The following IL17RA variants were observed in gnomAD, a reference collection of about 807,000 sequenced individuals.
The protein encoded by IL17RA is interleukin-17 receptor A.
IL17RA carries 34 observed loss-of-function variants against 50.4 expected under a neutral mutation model. The ratio of observed to expected loss-of-function variants is 0.67; its 90% CI spans 0.51 to 0.90. IL17RA has a LOEUF of 0.90. Among genes scored for constraint, IL17RA ranks in the 40% least tolerant of loss-of-function variants. The pLI is 0.00. For missense variants in IL17RA, 1,276 were observed against 1,169.8 expected (o/e 1.09, Z -1.32); for synonymous variants, 585 against 510.4 (o/e 1.15, Z -1.97).
At chr22:17,089,075 C>T (rs1330561857) in intron 1 of IL17RA, among the ~76,000 whole-genome samples, 5 of 152,000 alleles carry the variant, frequency 3.3e-5, no homozygotes, top group Non-Finnish European at 5.9e-5. Context: ...GGATTACAAG[C>T]GTGAGCCAAT....
chr22:17,089,994 T>TG (rs2061342428), intron 1 of IL17RA, among the ~76,000 whole-genome samples: 1 of 151,570 alleles, frequency 6.6e-6, no homozygotes, highest in Non-Finnish European at 1.5e-5. Flanking sequence ...TTTTTTTTTT[T>TG]GCTTTATTTA....
chr22:17,092,594 C>T (rs1050763872), intron 1 of IL17RA, among the ~76,000 whole-genome samples: 46 of 151,998 alleles, frequency 3.0e-4, no homozygotes, highest in Admixed American at 1.6e-3. Context: ...AACCACCCCC[C>T]GCCAATATGT....
At chr22:17,085,307 G>T in intron 1 of IL17RA, 78 bp downstream of exon 1, 1 of 1,521,300 alleles carries the variant, frequency 6.6e-7, no homozygotes, top group Non-Finnish European at 8.8e-7. Context: ...CGGACGGTCG[G>T]GACTACGCGC....
chr22:17,107,575 C>A (rs1330221159), intron 11 of IL17RA, 152 bp from the exon 12 acceptor site: 2 of 714,508 alleles, frequency 2.8e-6, no homozygotes, highest in South Asian at 1.5e-5. Context: ...AGGACTCATG[C>A]CTGTGCGACC....
intron 1 of IL17RA, among the ~76,000 whole-genome samples, chr22:17,094,675 C>CTATATATATATATG (rs1568917420): frequency 6.3e-4 from 31 of 49,332 alleles, no homozygotes; most frequent in Non-Finnish European, 1.0e-3. Context: ...CTCTCTCTCT[C>CTATATATATATATG]TCTCTCTCTC....
Position 17,113,917 on chromosome 22 carries a change from GC to G in IL17RA, c.*4099del, listed in dbSNP as rs1207316606. 1 of 152,276 alleles carries G rather than the reference GC, an allele frequency of 6.6e-6. No homozygotes were observed. Among genetic ancestry groups the G allele is most frequent in the Non-Finnish European group, 1.5e-5 (1 of 68,074 alleles). 9.4% of individuals were successfully genotyped at this position (152,276 alleles called of 1,614,324 possible). On this transcript the variant is annotated 3_prime_UTR_variant, in exon 13 of 13. Coordinates refer to ENST00000319363, the MANE Select transcript of IL17RA (RefSeq NM_014339.7). Reference sequence around the variant, plus strand: ...CCTGCAGTATCCCCGAGTGGCACCAGCCTGCTTCTGGGGCAGAGCAGTTTGT... The same window carrying G: ...CCTGCAGTATCCCCGAGTGGCACCAGCTGCTTCTGGGGCAGAGCAGTTTGT...
At chr22:17,098,958 C>T in intron 4 of IL17RA, 71 bp downstream of exon 4, 1 of 1,282,046 alleles carries the variant, frequency 7.8e-7, no homozygotes, top group Non-Finnish European at 1.1e-6. Context: ...TCCCCAAATT[C>T]AGACCCTGAT....
intron 1 of IL17RA, among the ~76,000 whole-genome samples, chr22:17,094,230 C>T (rs2061357691): frequency 6.6e-6 from 1 of 152,058 alleles, no homozygotes; most frequent in African/African-American, 2.4e-5. Flanking sequence ...AGGTGATCCA[C>T]CTACCTCAGC....
At position 17,094,685 on chromosome 22, in the gene IL17RA, C is replaced by CTA. The variant is rs1440120986; in HGVS notation, c.139-2376_139-2375insAT. On this transcript the variant is annotated intron_variant, in intron 1 of 12. Transcript: ENST00000319363. Reference sequence around the variant, plus strand: ...TCTCTCTCTCTCTCTCTCTCTCTCTCTCTCTCTATATATATATATATATAT... The same window carrying CTA: ...TCTCTCTCTCTCTCTCTCTCTCTCTCTATCTCTCTATATATATATATATATAT... 4.5e-3 allele frequency among the ~76,000 whole-genome samples: 205 copies of CTA among 45,754 alleles called. 4 individuals carry two copies. Among genetic ancestry groups the CTA allele is most frequent in the Non-Finnish European group, 7.2e-3 (178 of 24,800 alleles). The allele number at this position is 45,754 out of a possible 152,430, so 30.0% of individuals were successfully genotyped here. A position where few individuals can be genotyped will look rare whatever the true frequency, so the allele number is the denominator to read the frequency against.
Position 17,109,964 on chromosome 22 carries a change from C to T in IL17RA, c.*144C>T. 1.2e-6 allele frequency: 1 copy of T among 843,040 alleles called. No homozygotes were observed. Among genetic ancestry groups the T allele is most frequent in the Non-Finnish European group, 1.8e-6 (1 of 550,308 alleles). The allele number at this position is 843,040 out of a possible 1,614,324, so 52.2% of individuals were successfully genotyped here. On this transcript the variant is annotated 3_prime_UTR_variant, in exon 13 of 13. Transcript: ENST00000319363. ...AAATGTAAATGTCTGGATTTTAATC[C>T]CAGGCATCCCTCCTAACTTTTCTTT...
intron 1 of IL17RA, among the ~76,000 whole-genome samples, chr22:17,086,000 G>C (rs1320171786): frequency 1.3e-5 from 2 of 152,188 alleles, no homozygotes; most frequent in East Asian, 3.9e-4. Flanking sequence ...CCACCACCTG[G>C]GTCTGGGAAC....
Position 17,109,400 on chromosome 22 carries a change from C to T in IL17RA, c.2181C>T (p.Pro727=), listed in dbSNP as rs749575857. Reference sequence around the variant, plus strand: ...TCCCCGTGGACCCCGAGGACTCGCCCCTTGGCAGCAGCACCCCCATGGCGT... The same window carrying T: ...TCCCCGTGGACCCCGAGGACTCGCCTCTTGGCAGCAGCACCCCCATGGCGT... ...LFLPVDPEDS[P]LGSSTPMASP... is the part of the protein sequence containing the mutation. The change falls in exon 13 of 13, where the codon CCC becomes CCT. Residue 727 remains proline (P), a synonymous_variant. Coordinates refer to ENST00000319363, the MANE Select transcript of IL17RA (RefSeq NM_014339.7). 42 of 1,612,994 alleles carry T rather than the reference C, an allele frequency of 2.6e-5. No individual in the cohort carries two copies. Among genetic ancestry groups the T allele is most frequent in the Non-Finnish European group, 3.5e-5 (41 of 1,179,962 alleles).
intron 1 of IL17RA, among the ~76,000 whole-genome samples, chr22:17,091,781 CA>C (rs1159373794): frequency 6.6e-6 from 1 of 151,946 alleles, no homozygotes; most frequent in Non-Finnish European, 1.5e-5. Context: ...CCTGATATTA[CA>C]ACAGTTTCAA....
rs1467621689 is a variant in IL17RA at position 17,097,985 on chromosome 22, C to T, written c.310+42C>T. 1.9e-6 allele frequency: 3 copies of T among 1,611,640 alleles called. No individual in the cohort carries two copies. The Admixed American group carries it at 5.0e-5, about 27-fold the overall frequency. On this transcript the variant is annotated intron_variant, in intron 3 of 12. Coordinates refer to ENST00000319363, the MANE Select transcript of IL17RA (RefSeq NM_014339.7). ...GCAGGGCCCTGGGGGATTCTCCCTG[C>T]CTCCAAGTGGCTCTCCCAGTCAGGC...
Position 17,097,894 on chromosome 22 carries a change from A to C in IL17RA, c.261A>C (p.Gln87His), listed in dbSNP as rs759542002. ...AGCTGCACTTTGCCCACACCCAACA[A>C]GGAGACCTGTTCCCCGTGGCTCACA... ...QIQLHFAHTQ[Q>H]GDLFPVAHIE... Residue 87 changes from glutamine (Q) to histidine (H), a missense_variant, in exon 3 of 13, where the codon CAA becomes CAC. By Grantham distance (24) the Gln-to-His change is conservative (BLOSUM62 0). Coordinates refer to ENST00000319363, the MANE Select transcript of IL17RA (RefSeq NM_014339.7). 1 of 1,614,166 alleles carries C rather than the reference A, an allele frequency of 6.2e-7. No individual in the cohort carries two copies. The highest frequency in any genetic ancestry group is 1.1e-5 in the South Asian group (1 of 91,090).
At position 17,097,045 on chromosome 22, in the gene IL17RA, C is replaced by T. The variant is rs762747980; in HGVS notation, c.139-17C>T. 6.8e-6 allele frequency: 11 copies of T among 1,612,768 alleles called. No homozygotes were observed. In the South Asian group the frequency reaches 1.2e-4, roughly 18 times the overall value. On this transcript the variant is annotated splice_polypyrimidine_tract_variant and intron_variant, in intron 1 of 12. Transcript: ENST00000319363. ...AGCCTTTTCCCAGCTGTAATAACCA[C>T]CCTCTTTTTTCCACAGGGGCTAAAC... is the stretch of plus-strand genomic sequence containing the variant.
intron 11 of IL17RA, 73 bp from the exon 12 acceptor site, chr22:17,107,654 G>A: frequency 3.1e-6 from 4 of 1,305,446 alleles, no homozygotes; most frequent in South Asian, 1.2e-5. Context: ...CAGGGATGGG[G>A]CAGACACCCT....
In IL17RA at chr22:17,098,780, A is replaced by G. The variant is rs777343781; in HGVS notation, c.316A>G (p.Ile106Val). ...IEWTLQTDAS[I>V]LYLEGAELSV... is the part of the protein sequence containing the mutation. The stretch of plus-strand genomic sequence containing the variant: ...CTCTTCTCCCTCTCCTGCAGCCAGC[A>G]TCCTGTACCTCGAGGGTGCAGAGTT... The change falls in exon 4 of 13, where the codon ATC (isoleucine) becomes GTC (valine). Residue 106 changes from isoleucine (I) to valine (V), a missense_variant. Ile to Val is a conservative substitution (Grantham distance 29). Transcript: ENST00000319363. The G allele has an allele frequency of 6.8e-6, 11 of 1,614,052 alleles. No individual in the cohort carries two copies. The highest frequency in any genetic ancestry group is 3.3e-5 in the South Asian group (3 of 91,076).
chr22:17,103,604 C>T, intron 8 of IL17RA, 27 bp downstream of exon 8: 1 of 1,572,774 alleles, frequency 6.4e-7, no homozygotes, highest in Non-Finnish European at 8.7e-7. Context: ...TGGACAGGTG[C>T]AGGGAGCAAA....
Sources: gnomAD v4.1 joint callset for allele counts (sites outside exome capture counted in the v4.1 genomes callset) on GRCh38, gnomAD v4.1.1 for gene constraint, MANE v1.5 for transcripts, NCBI Gene and HGNC (gene_info 2026-07-23, HGNC 2026-07-21) for gene names.